Variants in SLC36A4 observed in about 807,000 individuals in gnomAD.
The protein encoded by SLC36A4 is neutral amino acid uniporter 4.
SLC36A4 carries 49 observed loss-of-function variants against 50.5 expected under a neutral mutation model. The observed-to-expected ratio is 0.97, with a 90% confidence interval of 0.77 to 1.23. SLC36A4 has a LOEUF of 1.23. Among genes scored for constraint, SLC36A4 ranks in the 50% most tolerant of loss-of-function variants. The pLI is 0.00. For missense variants in SLC36A4, 611 were observed against 608.4 expected (o/e 1.00, Z -0.05); for synonymous variants, 207 against 206.5 (o/e 1.00, Z -0.02).
intron 9 of SLC36A4, chr11:93,159,956 T>C: frequency 2.0e-6 from 2 of 985,452 alleles, no homozygotes; most frequent in Middle Eastern, 5.2e-4. Context: ...GTAACAGTCA[T>C]TGGCTTTCAT....
At position 93,162,722 on chromosome 11, in the gene SLC36A4, G is replaced by T. The variant is rs760484459; in HGVS notation, c.1021C>A (p.Leu341Ile). The change falls in exon 9 of 11, where the codon CTT (leucine) becomes ATT (isoleucine). Residue 341 changes from leucine (L) to isoleucine (I), a missense_variant. By Grantham distance (5) the Leu-to-Ile change is conservative. Coordinates refer to ENST00000326402, the MANE Select transcript of SLC36A4 (RefSeq NM_152313.4). ...TACACCTACCATACATCTTGGGGAA[G>T]ATTTAAAGTTATGCTGCCTTTGATT... ...DEIKGSITLN[L>I]PQDVWLYQSV... The T allele has an allele frequency of 8.1e-6, 13 of 1,609,556 alleles. No homozygotes were observed. The highest frequency in any genetic ancestry group is 4.2e-6 in the Non-Finnish European group (5 of 1,178,520).
At chr11:93,150,536 T>G (rs1860036590) in intron 10 of SLC36A4, among the ~76,000 whole-genome samples, 1 of 152,036 alleles carries the variant, frequency 6.6e-6, no homozygotes, top group Non-Finnish European at 1.5e-5. Flanking sequence ...AAAACTGTTT[T>G]GAAATTATAA....
At chr11:93,170,401 C>T (rs10830997) in intron 6 of SLC36A4, among the ~76,000 whole-genome samples, 32,772 of 151,980 alleles carry the variant, frequency 0.22, 3,990 homozygotes, top group East Asian at 0.42. Flanking sequence ...TAGTACCCTA[C>T]ATTTGTATCT....
At chr11:93,184,067 C>T (rs958517288) in intron 3 of SLC36A4, among the ~76,000 whole-genome samples, 1 of 152,086 alleles carries the variant, frequency 6.6e-6, no homozygotes, top group Non-Finnish European at 1.5e-5. Context: ...TACAATGTCA[C>T]GTTACCAATA....
At chr11:93,155,305 T>C (rs1220077842) in intron 9 of SLC36A4, 1 of 152,178 alleles carries the variant, frequency 6.6e-6, no homozygotes, top group African/African-American at 2.4e-5. Context: ...ACATATGTCC[T>C]CTTTCAGCAG....
chr11:93,146,558 T>C lies in SLC36A4; in HGVS notation c.*1979A>G, dbSNP rs1206641393. 2.0e-5 allele frequency: 3 copies of C among 151,992 alleles called. No individual in the cohort carries two copies. The highest frequency in any genetic ancestry group is 7.2e-5 in the African/African-American group (3 of 41,448). 9.4% of individuals were successfully genotyped at this position (151,992 alleles called of 1,614,324 possible). A position where few individuals can be genotyped will look rare whatever the true frequency, so the allele number is the denominator to read the frequency against. On this transcript the variant is annotated 3_prime_UTR_variant, in exon 11 of 11. Transcript: ENST00000326402. ...TGATTCTTATGACTTTGTACCAAAA[T>C]AAAGCTTCTGATATATCTTTAGGAT... is the stretch of plus-strand genomic sequence containing the variant.
intron 6 of SLC36A4, among the ~76,000 whole-genome samples, chr11:93,179,392 T>C (rs1421120702): frequency 6.6e-6 from 1 of 152,076 alleles, no homozygotes; most frequent in Non-Finnish European, 1.5e-5. Context: ...TAGATTAACT[T>C]CAGTACAGCA....
At chr11:93,179,996 T>C in intron 6 of SLC36A4, 2 of 675,402 alleles carry the variant, frequency 3.0e-6, no homozygotes, top group Non-Finnish European at 1.8e-6. Flanking sequence ...CACAAGAACC[T>C]ACACACAGGT....
chr11:93,167,837 C>CAT, intron 7 of SLC36A4, 107 bp downstream of exon 7: 1 of 674,416 alleles, frequency 1.5e-6, no homozygotes, highest in South Asian at 1.9e-5. Flanking sequence ...CTGTGTGCCA[C>CAT]ATATGAAGTA....
chr11:93,161,945 T>A (rs1860637327), intron 9 of SLC36A4, among the ~76,000 whole-genome samples: 1 of 152,144 alleles, frequency 6.6e-6, no homozygotes, highest in Non-Finnish European at 1.5e-5. Context: ...AAGAGAACAT[T>A]AAGATGATGC....
At chr11:93,178,355 T>A (rs568426747) in intron 6 of SLC36A4, among the ~76,000 whole-genome samples, 1 of 152,194 alleles carries the variant, frequency 6.6e-6, no homozygotes, top group African/African-American at 2.4e-5. Flanking sequence ...CCTGGTGAGA[T>A]GATGCCCTGC....
chr11:93,160,450 C>A, intron 9 of SLC36A4: 3 of 985,302 alleles, frequency 3.0e-6, no homozygotes, highest in Non-Finnish European at 3.6e-6. Flanking sequence ...AGAGTCTCAA[C>A]TAGTTCCATT....
intron 9 of SLC36A4, among the ~76,000 whole-genome samples, chr11:93,158,324 T>C (rs1860458922): frequency 6.6e-6 from 1 of 152,178 alleles, no homozygotes. Context: ...TTCACTTATG[T>C]ATTTTTAAAA....
At chr11:93,164,495 T>A (rs1388468554) in intron 8 of SLC36A4, among the ~76,000 whole-genome samples, 1 of 152,160 alleles carries the variant, frequency 6.6e-6, no homozygotes. Flanking sequence ...TTTTATGCAA[T>A]CCTCACAATA....
intron 9 of SLC36A4, chr11:93,160,174 T>C: frequency 2.0e-6 from 2 of 985,416 alleles, no homozygotes; most frequent in Non-Finnish European, 2.4e-6. Flanking sequence ...TATTCCTCAG[T>C]TGTGACTATT....
chr11:93,150,550 T>C (rs1860037395), intron 10 of SLC36A4, among the ~76,000 whole-genome samples: 1 of 152,032 alleles, frequency 6.6e-6, no homozygotes. Context: ...ATTATAAACG[T>C]AGCTTTACAT....
intron 1 of SLC36A4, among the ~76,000 whole-genome samples, chr11:93,191,139 T>C (rs577632769): frequency 2.0e-5 from 3 of 152,216 alleles, no homozygotes; most frequent in Non-Finnish European, 4.4e-5. Flanking sequence ...GATTAATAAA[T>C]AGAGTCAACT....
chr11:93,167,945 C>A lies in SLC36A4; in HGVS notation c.767G>T (p.Arg256Met), dbSNP rs751818878. 1.3e-6 allele frequency: 2 copies of A among 1,593,466 alleles called. No individual in the cohort carries two copies. Among genetic ancestry groups the A allele is most frequent in the Non-Finnish European group, 8.5e-7 (1 of 1,171,598 alleles). ...TAGTTAAAAACTTTTTATACTTACCCTGACAACATACTGGTAAATTATCAC... is the reference window on the plus strand; with the variant it reads ...TAGTTAAAAACTTTTTATACTTACCATGACAACATACTGGTAAATTATCAC... Reference protein sequence around the residue: ...SLVIIYQYVVRNMPDPHNLPI... With the variant: ...SLVIIYQYVVMNMPDPHNLPI... Residue 256 changes from arginine (R) to methionine (M), a missense_variant and splice_region_variant, in exon 7 of 11, where the codon AGG becomes ATG. By Grantham distance (91) the Arg-to-Met change is moderately conservative. Coordinates refer to ENST00000326402, the MANE Select transcript of SLC36A4 (RefSeq NM_152313.4).
Position 93,162,778 on chromosome 11 carries a change from G to A in SLC36A4, c.965C>T (p.Ala322Val), listed in dbSNP as rs146862405. Residue 322 changes from alanine to valine, a missense_variant, in exon 9 of 11, where the codon GCT becomes GTT. By Grantham distance (64) the Ala-to-Val change is moderately conservative. Transcript: ENST00000326402. ...GIVTTLYVTL[A>V]TLGYMCFHDE... ...ATGGAAACACATATATCCTAAAGTA[G>A]CTAATGTTACATACAAAGTTGTAAC... is the stretch of plus-strand genomic sequence containing the variant. The A allele has an allele frequency of 2.4e-5, 38 of 1,613,350 alleles. No individual in the cohort carries two copies. Among genetic ancestry groups the A allele is most frequent in the Admixed American group, 1.3e-4 (8 of 59,932 alleles).
Sources: gnomAD v4.1 joint callset for allele counts (sites outside exome capture counted in the v4.1 genomes callset) on GRCh38, gnomAD v4.1.1 for gene constraint, MANE v1.5 for transcripts, NCBI Gene and HGNC (gene_info 2026-07-23, HGNC 2026-07-21) for gene names.